Variants in SPOCK3 observed in about 807,000 individuals in gnomAD.
The protein encoded by SPOCK3 is testican-3.
Under a neutral mutation model 56.6 loss-of-function variants are expected in SPOCK3, and 30 were observed. That is an observed-to-expected ratio of 0.53 (90% CI 0.40 to 0.72). The LOEUF is 0.72. Among genes scored for constraint, SPOCK3 ranks in the 30% least tolerant of loss-of-function variants. The pLI is 0.00. For synonymous variants in SPOCK3, 196 were observed against 183.3 expected, an observed-to-expected ratio of 1.07 and a Z score of -0.56; for missense variants, 527 against 530.0, an observed-to-expected ratio of 0.99 and a Z score of 0.06.
intron 4 of SPOCK3, among the ~76,000 whole-genome samples, chr4:166,929,305 C>T (rs1739470280): frequency 6.6e-6 from 1 of 152,132 alleles, no homozygotes; most frequent in South Asian, 2.1e-4. Context: ...TATTTCTTCC[C>T]ACTGCAGAAG....
intron 7 of SPOCK3, among the ~76,000 whole-genome samples, chr4:166,771,554 C>T (rs1156717033): frequency 6.6e-6 from 1 of 151,954 alleles, no homozygotes; most frequent in East Asian, 1.9e-4. Context: ...TATTACATTT[C>T]ATCAAATTGT....
chr4:166,911,038 C>G (rs75800860), intron 5 of SPOCK3, among the ~76,000 whole-genome samples: 1 of 152,106 alleles, frequency 6.6e-6, no homozygotes, highest in Admixed American at 6.6e-5. Flanking sequence ...TTCACTCTCC[C>G]TTGTACTGGC....
chr4:166,795,276 C>CA (rs1235070577), intron 6 of SPOCK3, among the ~76,000 whole-genome samples: 6 of 151,664 alleles, frequency 4.0e-5, no homozygotes, highest in Admixed American at 2.0e-4. Flanking sequence ...CTTTTCCTAC[C>CA]AAAAAACCGT....
chr4:167,175,342 C>T lies in SPOCK3; in HGVS notation c.189+58643G>A, dbSNP rs77346368. Among the ~76,000 whole-genome samples the T allele has an allele frequency of 3.4e-3, 523 of 152,182 alleles. 7 individuals are homozygous for T. The highest frequency in any genetic ancestry group is 0.012 in the African/African-American group (509 of 41,528). ...TGTCCTTTAAAAGAATCACCTTTGTCAAATCAAAGTTACGACTAAAATAAT... is the reference window on the plus strand; with the variant it reads ...TGTCCTTTAAAAGAATCACCTTTGTTAAATCAAAGTTACGACTAAAATAAT... On this transcript the variant is annotated intron_variant, in intron 2 of 10. Coordinates refer to ENST00000357545, the MANE Select transcript of SPOCK3 (RefSeq NM_001040159.2).
At chr4:167,220,964 A>C (rs1255573207) in intron 2 of SPOCK3, among the ~76,000 whole-genome samples, 2 of 152,156 alleles carry the variant, frequency 1.3e-5, no homozygotes, top group African/African-American at 2.4e-5. Context: ...AAGGACAATA[A>C]ATTCTAATAC....
intron 6 of SPOCK3, among the ~76,000 whole-genome samples, chr4:166,854,778 A>G (rs1730483094): frequency 6.6e-6 from 1 of 152,170 alleles, no homozygotes; most frequent in South Asian, 2.1e-4. Flanking sequence ...TGAGCTGTTG[A>G]CAAAACTCAC....
intron 4 of SPOCK3, among the ~76,000 whole-genome samples, chr4:166,995,301 GAAGTT>G (rs1444244259): frequency 6.6e-6 from 1 of 151,770 alleles, no homozygotes; most frequent in Non-Finnish European, 1.5e-5. Context: ...AGGAAACTAT[GAAGTT>G]TAGTTATGAT....
chr4:166,950,469 C>G (rs1490490963), intron 4 of SPOCK3, among the ~76,000 whole-genome samples: 1 of 151,722 alleles, frequency 6.6e-6, no homozygotes, highest in East Asian at 1.9e-4. Context: ...GACTTAGACT[C>G]CCACACATTA....
At chr4:167,133,699 T>G (rs2150385847) in intron 2 of SPOCK3, among the ~76,000 whole-genome samples, 1 of 152,292 alleles carries the variant, frequency 6.6e-6, no homozygotes, top group East Asian at 1.9e-4. Context: ...CTTGTTTTGT[T>G]TTCCCTTGGC....
chr4:166,815,733 C>T (rs1744317495), intron 6 of SPOCK3, among the ~76,000 whole-genome samples: 1 of 152,030 alleles, frequency 6.6e-6, no homozygotes, highest in Admixed American at 6.6e-5. Context: ...TATGATGGTG[C>T]CACTGCACTC....
chr4:166,829,051 T>C (rs1462943214), intron 6 of SPOCK3, among the ~76,000 whole-genome samples: 1 of 152,088 alleles, frequency 6.6e-6, no homozygotes, highest in Non-Finnish European at 1.5e-5. Context: ...TATACATAAC[T>C]GATAGTGGGT....
intron 7 of SPOCK3, among the ~76,000 whole-genome samples, chr4:166,773,714 GT>G (rs1295251094): frequency 6.6e-6 from 1 of 151,980 alleles, no homozygotes; most frequent in African/African-American, 2.4e-5. Flanking sequence ...CAATTATACT[GT>G]TTTAGCTAAC....
chr4:167,098,204 T>C (rs1759327351), intron 2 of SPOCK3, among the ~76,000 whole-genome samples: 1 of 151,984 alleles, frequency 6.6e-6, no homozygotes, highest in Admixed American at 6.6e-5. Context: ...CCATGATTAC[T>C]CTTCCCCTCC....
At chr4:167,222,159 T>C (rs1274675948) in intron 2 of SPOCK3, among the ~76,000 whole-genome samples, 1 of 152,026 alleles carries the variant, frequency 6.6e-6, no homozygotes, top group Non-Finnish European at 1.5e-5. Flanking sequence ...TGCCACAACA[T>C]GGATGAAACT....
chr4:167,126,267 G>A (rs1329379864), intron 2 of SPOCK3, among the ~76,000 whole-genome samples: 1 of 152,182 alleles, frequency 6.6e-6, no homozygotes, highest in Non-Finnish European at 1.5e-5. Context: ...TTCATTGTAG[G>A]CCGGGCGCTG....
chr4:166,750,768 T>A (rs1020811269), intron 8 of SPOCK3, among the ~76,000 whole-genome samples: 1 of 152,186 alleles, frequency 6.6e-6, no homozygotes, highest in African/African-American at 2.4e-5. Context: ...AAATTTAAAA[T>A]ACGTATATGT....
intron 2 of SPOCK3, among the ~76,000 whole-genome samples, chr4:167,137,899 T>C (rs1763250059): frequency 1.3e-5 from 2 of 151,890 alleles, no homozygotes; most frequent in Admixed American, 6.6e-5. Context: ...ACTCTTCTAT[T>C]GGTTTTAAGC....
chr4:166,960,446 T>C (rs989479578), intron 4 of SPOCK3, among the ~76,000 whole-genome samples: 2 of 152,312 alleles, frequency 1.3e-5, no homozygotes, highest in South Asian at 2.1e-4. Context: ...AGGATGGATA[T>C]ATGTGTCTGC....
chr4:167,079,830 G>T (rs1757553271), intron 2 of SPOCK3, among the ~76,000 whole-genome samples: 2 of 151,982 alleles, frequency 1.3e-5, no homozygotes, highest in African/African-American at 4.8e-5. Context: ...TAGCATAGTT[G>T]TTTATGGACT....
Sources: gnomAD v4.1 joint callset for allele counts (sites outside exome capture counted in the v4.1 genomes callset) on GRCh38, gnomAD v4.1.1 for gene constraint, MANE v1.5 for transcripts, NCBI Gene and HGNC (gene_info 2026-07-23, HGNC 2026-07-21) for gene names.